Variants in LTBP1 observed in about 807,000 individuals in gnomAD.
The protein encoded by LTBP1 is latent-transforming growth factor beta-binding protein 1.
In LTBP1, 129 loss-of-function variants were observed where a neutral mutation model predicts 207.6. The ratio of observed to expected loss-of-function variants is 0.62; its 90% CI spans 0.54 to 0.72. LTBP1 has a LOEUF of 0.72. Among genes scored for constraint, LTBP1 ranks in the 30% least tolerant of loss-of-function variants. LTBP1 has a pLI of 0.00. For missense variants in LTBP1, 2,281 were observed against 2,217.2 expected (o/e 1.03, Z -0.58); for synonymous variants, 963 against 833.7 (o/e 1.16, Z -2.67).
At chr2:33,342,046 G>A (rs957101255) in intron 24 of LTBP1, among the ~76,000 whole-genome samples, 1 of 152,098 alleles carries the variant, frequency 6.6e-6, no homozygotes, top group Non-Finnish European at 1.5e-5. Flanking sequence ...CAAGGAGAAC[G>A]GGAAGGAAAG....
intron 3 of LTBP1, among the ~76,000 whole-genome samples, chr2:33,089,829 G>T (rs1190478946): frequency 6.6e-6 from 1 of 152,092 alleles, no homozygotes; most frequent in East Asian, 1.9e-4. Flanking sequence ...TTTTTAAAAA[G>T]ATAACATTTG....
At position 33,053,199 on chromosome 2, in the gene LTBP1, T is replaced by G. The variant is rs145891985; in HGVS notation, c.863+31993T>G. The stretch of plus-strand genomic sequence containing the variant: ...AAGATTTCAGTTTTTAAGGGCAGTT[T>G]TAGGTTCACAGCAAAATTGGAGAGG... On this transcript the variant is annotated intron_variant, in intron 3 of 33. Transcript: ENST00000404816. Among the ~76,000 whole-genome samples the G allele has an allele frequency of 2.2e-3, 331 of 152,284 alleles. 4 individuals are homozygous for G. The highest frequency in any genetic ancestry group is 7.3e-3 in the African/African-American group (303 of 41,558).
At chr2:33,258,517 G>T (rs1297628306) in intron 12 of LTBP1, among the ~76,000 whole-genome samples, 1 of 152,132 alleles carries the variant, frequency 6.6e-6, no homozygotes, top group Non-Finnish European at 1.5e-5. Flanking sequence ...TTCACTCACT[G>T]CATTTCTTCC....
intron 2 of LTBP1, among the ~76,000 whole-genome samples, chr2:32,976,999 G>C (rs1275963704): frequency 6.6e-6 from 1 of 152,256 alleles, no homozygotes; most frequent in Non-Finnish European, 1.5e-5. Flanking sequence ...GCTCTAGCAT[G>C]CCTGGCCCCT....
chr2:33,103,250 G>A (rs1251803548), intron 3 of LTBP1, among the ~76,000 whole-genome samples: 1 of 151,120 alleles, frequency 6.6e-6, no homozygotes, highest in Non-Finnish European at 1.5e-5. Flanking sequence ...TCTGTATGCA[G>A]TCTCTATGTT....
intron 32 of LTBP1, 146 bp from the exon 33 acceptor site, chr2:33,396,987 A>G: frequency 1.5e-6 from 1 of 654,604 alleles, no homozygotes; most frequent in Non-Finnish European, 2.5e-6. Flanking sequence ...AACATTCAGT[A>G]TTTCTAATGC....
intron 20 of LTBP1, among the ~76,000 whole-genome samples, chr2:33,299,725 C>T (rs993537820): frequency 1.3e-5 from 2 of 152,226 alleles, no homozygotes; most frequent in Non-Finnish European, 2.9e-5. Context: ...TCTACTCTTA[C>T]CAGACGTGTT....
intron 5 of LTBP1, among the ~76,000 whole-genome samples, chr2:33,145,921 C>T (rs1229886301): frequency 6.6e-6 from 1 of 152,230 alleles, no homozygotes; most frequent in East Asian, 1.9e-4. Flanking sequence ...AGCCTACTGA[C>T]TCTGCTGTTC....
At chr2:33,318,334 G>C (rs1317859258) in intron 24 of LTBP1, among the ~76,000 whole-genome samples, 1 of 152,088 alleles carries the variant, frequency 6.6e-6, no homozygotes, top group Non-Finnish European at 1.5e-5. Flanking sequence ...TGGGTGGGCA[G>C]CTATTTGTCA....
At chr2:33,179,776 C>T (rs2086433905) in intron 5 of LTBP1, among the ~76,000 whole-genome samples, 1 of 152,226 alleles carries the variant, frequency 6.6e-6, no homozygotes, top group East Asian at 1.9e-4. Flanking sequence ...CTGTAGCTAT[C>T]CTTGTTTTTC....
intron 2 of LTBP1, among the ~76,000 whole-genome samples, chr2:32,980,500 C>T (rs1558468789): frequency 6.6e-6 from 1 of 152,064 alleles, no homozygotes; most frequent in East Asian, 1.9e-4. Context: ...ACTTTATCTA[C>T]CTGCTTTTTA....
In LTBP1 at chr2:32,975,583, G is replaced by GTTTTTTTTTTTTT. The variant is rs779168923; in HGVS notation, c.565+26664_565+26676dup. Reference sequence around the variant, plus strand: ...TTGTTGGAGGTTTCATTCATTCTTTGTTTTTTTTTTTTTTTTTTTTTTTTT... The same window carrying GTTTTTTTTTTTTT: ...TTGTTGGAGGTTTCATTCATTCTTTGTTTTTTTTTTTTTTTTTTTTTTTTTTTTTTTTTTTTTT... On this transcript the variant is annotated intron_variant, in intron 2 of 33. Transcript: ENST00000404816. Among the ~76,000 whole-genome samples the GTTTTTTTTTTTTT allele has an allele frequency of 3.2e-4, 10 of 31,384 alleles. 3 individuals are homozygous for GTTTTTTTTTTTTT. Among genetic ancestry groups the GTTTTTTTTTTTTT allele is most frequent in the South Asian group, 2.0e-3 (1 of 508 alleles). 20.6% of individuals were successfully genotyped at this position (31,384 alleles called of 152,430 possible). A position where few individuals can be genotyped will look rare whatever the true frequency, so the allele number is the denominator to read the frequency against.
At chr2:33,048,900 G>GT (rs1407150388) in intron 3 of LTBP1, among the ~76,000 whole-genome samples, 3 of 152,180 alleles carry the variant, frequency 2.0e-5, no homozygotes, top group Non-Finnish European at 4.4e-5. Context: ...AGTTAAGAAT[G>GT]TTTTTTATAA....
At chr2:33,309,319 T>A (rs78078145) in intron 22 of LTBP1, 115 bp from the exon 23 acceptor site, 10,886 of 683,210 alleles carry the variant, frequency 0.016, 134 homozygotes, top group East Asian at 0.042. Context: ...GTCATGTATT[T>A]AAAATTATGT....
intron 4 of LTBP1, 123 bp downstream of exon 4, chr2:33,110,874 A>G (rs1264420607): frequency 7.3e-6 from 7 of 954,902 alleles, no homozygotes; most frequent in African/African-American, 3.3e-5. Flanking sequence ...TAAAAAATCC[A>G]CATTGGTTCC....
chr2:32,969,443 C>T (rs944324173), intron 2 of LTBP1, among the ~76,000 whole-genome samples: 19 of 152,024 alleles, frequency 1.2e-4, no homozygotes, highest in Non-Finnish European at 2.1e-4. Context: ...TCCACCCTCA[C>T]GTAGGCCCAG....
At chr2:33,025,653 T>C (rs2075380059) in intron 3 of LTBP1, among the ~76,000 whole-genome samples, 2 of 152,206 alleles carry the variant, frequency 1.3e-5, no homozygotes, top group Non-Finnish European at 2.9e-5. Context: ...TTTTGGGAGC[T>C]GTGATGATGG....
chr2:33,336,971 T>C (rs1303081667), intron 24 of LTBP1, among the ~76,000 whole-genome samples: 1 of 152,186 alleles, frequency 6.6e-6, no homozygotes, highest in Non-Finnish European at 1.5e-5. Flanking sequence ...ATGGAACCAT[T>C]GAGATTTGTT....
rs147580710 is a variant in LTBP1, at chr2:33,116,850, C to G, written c.1033+6099C>G. On this transcript the variant is annotated intron_variant, in intron 4 of 33. Coordinates refer to ENST00000404816, the MANE Select transcript of LTBP1 (RefSeq NM_206943.4). ...TTTTTACTTAAAGTGTTAAACCTAACCTTTTTTGTTTAAATAAGCAACCGT... is the reference window on the plus strand; with the variant it reads ...TTTTTACTTAAAGTGTTAAACCTAAGCTTTTTTGTTTAAATAAGCAACCGT... Among the ~76,000 whole-genome samples, 137 of 151,820 alleles carry G rather than the reference C, an allele frequency of 9.0e-4. No homozygotes were observed. The East Asian group carries it at 0.021, about 23-fold the overall frequency.
Sources: allele counts gnomAD v4.1 joint callset (sites outside exome capture counted in the v4.1 genomes callset), GRCh38; gene constraint gnomAD v4.1.1; transcripts MANE v1.5; gene names NCBI Gene and HGNC (gene_info 2026-07-23, HGNC 2026-07-21).